Variants in TVP23A observed in about 807,000 individuals in gnomAD.
The protein encoded by TVP23A is Golgi apparatus membrane protein TVP23 homolog A.
TVP23A carries 21 observed loss-of-function variants against 31.7 expected under a neutral mutation model. That is an observed-to-expected ratio of 0.66 (90% confidence interval 0.47 to 0.95). The LOEUF (loss-of-function observed/expected upper bound fraction) is 0.95. Among genes scored for constraint, TVP23A ranks in the 40% least tolerant of loss-of-function variants. TVP23A has a pLI of 0.00. For missense variants in TVP23A, 279 were observed against 255.6 expected (o/e 1.09, Z -0.62); for synonymous variants, 104 against 96.0 (o/e 1.08, Z -0.49).
At chr16:10,782,224 G>A (rs1434210000) in intron 2 of TVP23A, among the ~76,000 whole-genome samples, 5 of 152,004 alleles carry the variant, frequency 3.3e-5, no homozygotes, top group Non-Finnish European at 7.4e-5. Flanking sequence ...AAAATCACAA[G>A]TGAACTCACT....
intron 3 of TVP23A, among the ~76,000 whole-genome samples, chr16:10,774,663 T>G (rs779644533): frequency 6.7e-6 from 1 of 148,596 alleles, no homozygotes; most frequent in East Asian, 2.0e-4. Flanking sequence ...CAGGCTGGAG[T>G]GCAATGGCAC....
At chr16:10,761,265 G>A (rs998879885) in exon 9 of TVP23A, 1 of 1,085,562 alleles carries the variant, frequency 9.2e-7, no homozygotes, top group African/African-American at 1.6e-5. Flanking sequence ...AAGGCTTTAT[G>A]ATCGCAGATC....
downstream of TVP23A, chr16:10,758,030 G>A (rs976628270): frequency 2.5e-6 from 4 of 1,611,240 alleles, no homozygotes; most frequent in Admixed American, 3.3e-5. Flanking sequence ...CTCCCCAGGT[G>A]AGCGAGCTGC....
chr16:10,771,744 G>C lies in TVP23A; in HGVS notation c.508C>G (p.Leu170Val). Residue 170 changes from leucine to valine, a missense_variant, in exon 6 of 8, where the codon CTT becomes GTT. Transcript: ENST00000299866. ...TCACTGTTGCCTCCCATCTTACAAA[G>C]GATGTAGCCATACAGGTTTGCAGCT... ...LQAANLYGYI[L>V]CKMGGNSDIG... 6.2e-7 allele frequency: 1 copy of C among 1,607,970 alleles called. No homozygotes were observed. The highest frequency in any genetic ancestry group is 8.5e-7 in the Non-Finnish European group (1 of 1,177,168).
At chr16:10,764,729 G>A (rs2719649), downstream of TVP23A, among the ~76,000 whole-genome samples, 5 of 146,114 alleles carry the variant, frequency 3.4e-5, no homozygotes, top group African/African-American at 5.0e-5. Flanking sequence ...ATGTCAGTCT[G>A]TTGGAGCATC....
rs146511825 is a variant in TVP23A, at chr16:10,769,193, G to C, written c.*1-92C>G. ...GCCAGACCCGACCAGCTCCGGGATGGGGTGGGTCACAGCAAAAGGACCAGA... is the reference window on the plus strand; with the variant it reads ...GCCAGACCCGACCAGCTCCGGGATGCGGTGGGTCACAGCAAAAGGACCAGA... On this transcript the variant is annotated intron_variant, in intron 7 of 7. Coordinates refer to ENST00000299866, the MANE Select transcript of TVP23A (RefSeq NM_001079512.4). 1.1e-3 allele frequency: 1,356 copies of C among 1,242,130 alleles called. 16 individuals carry two copies. In the African/African-American group the frequency reaches 0.016, roughly 14 times the overall value. 76.9% of individuals were successfully genotyped at this position (1,242,130 alleles called of 1,614,324 possible). A position where few individuals can be genotyped will look rare whatever the true frequency, so the allele number is the denominator to read the frequency against.
At chr16:10,757,914 G>T, downstream of TVP23A, 2 of 1,614,064 alleles carry the variant, frequency 1.2e-6, no homozygotes, top group Non-Finnish European at 1.7e-6. The surrounding 1 kb of genome is among the most constrained non-coding windows in gnomAD (Gnocchi z 4.1). Flanking sequence ...CTGGGGAGAG[G>T]TCGACTACCT....
chr16:10,780,014 G>GGAGGCAAAGTTTGCAGT (rs1460923054), intron 2 of TVP23A, among the ~76,000 whole-genome samples: 2 of 152,124 alleles, frequency 1.3e-5, no homozygotes, highest in Non-Finnish European at 1.5e-5. Flanking sequence ...CTTGAACCCA[G>GGAGGCAAAGTTTGCAGT]GAGGCAAAGT....
intron 2 of TVP23A, among the ~76,000 whole-genome samples, chr16:10,815,062 T>C (rs993475751): frequency 1.3e-5 from 2 of 152,124 alleles, no homozygotes; most frequent in Non-Finnish European, 2.9e-5. Context: ...CTGGCCAGGA[T>C]AGGAGCCCCA....
chr16:10,772,445 C>G (rs1248167108), intron 5 of TVP23A, among the ~76,000 whole-genome samples: 1 of 152,172 alleles, frequency 6.6e-6, no homozygotes, highest in Non-Finnish European at 1.5e-5. Flanking sequence ...TCTTGGCTCA[C>G]TGCAACCTCC....
Position 10,775,837 on chromosome 16 carries a change from C to T in TVP23A, c.90-741G>A, listed in dbSNP as rs192181203. On this transcript the variant is annotated intron_variant, in intron 2 of 7. Coordinates refer to ENST00000299866, the MANE Select transcript of TVP23A (RefSeq NM_001079512.4). ...GATCTCGGTTCACAGCAACCTCCAC[C>T]TCCCGGGTTCAAGCAATTCTCCTGC... is the stretch of plus-strand genomic sequence containing the variant. 2.5e-3 allele frequency among the ~76,000 whole-genome samples: 369 copies of T among 149,188 alleles called. 3 individuals are homozygous for T. In the Middle Eastern group the frequency reaches 0.028, roughly 11 times the overall value.
chr16:10,810,479 G>A (rs1222425910), intron 2 of TVP23A, among the ~76,000 whole-genome samples: 1 of 151,526 alleles, frequency 6.6e-6, no homozygotes, highest in Non-Finnish European at 1.5e-5. Flanking sequence ...CCCGGGAGGT[G>A]GAGGCTGCAG....
rs1290881351 is a variant in TVP23A at position 10,766,818 on chromosome 16, A to G, written c.*2284T>C. On this transcript the variant is annotated 3_prime_UTR_variant, in exon 8 of 8. Coordinates refer to ENST00000299866, the MANE Select transcript of TVP23A (RefSeq NM_001079512.4). This position sits in a 1 kb window ranked among gnomAD's most constrained non-coding sequence, Gnocchi z 4.8. ...CCTCTACTTGAGGTACGCCCTATAT[A>G]AACGAAAAGGATGAAGTAAAGTTAC... 1.0e-5 allele frequency: 4 copies of G among 397,686 alleles called. 1 individual carries two copies. The highest frequency in any genetic ancestry group is 1.3e-5 in the Non-Finnish European group (3 of 225,966). The allele number at this position is 397,686 out of a possible 1,614,324, so 24.6% of individuals were successfully genotyped here.
downstream of TVP23A, among the ~76,000 whole-genome samples, chr16:10,762,678 G>A (rs80312210): frequency 0.046 from 6,947 of 152,160 alleles, 337 homozygotes; most frequent in East Asian, 0.25. Flanking sequence ...CAGGAGTGCC[G>A]GCTGCACCCA....
chr16:10,767,770 G>A lies in TVP23A; in HGVS notation c.*1332C>T. 8.3e-6 allele frequency: 5 copies of A among 604,602 alleles called. No homozygotes were observed. The South Asian group carries it at 1.0e-4, about 12-fold the overall frequency. The allele number at this position is 604,602 out of a possible 1,614,324, so 37.5% of individuals were successfully genotyped here. On this transcript the variant is annotated 3_prime_UTR_variant, in exon 8 of 8. Coordinates refer to ENST00000299866, the MANE Select transcript of TVP23A (RefSeq NM_001079512.4). This position sits in a 1 kb window ranked among gnomAD's most constrained non-coding sequence, Gnocchi z 4.6. ...TAGCCACGCTGAAATGCTGGCTGGG[G>A]ACCCTGCTGGAAGGAAGGTCCCTGA...
chr16:10,782,633 G>C (rs1010546820), intron 2 of TVP23A, among the ~76,000 whole-genome samples: 3 of 152,086 alleles, frequency 2.0e-5, no homozygotes, highest in African/African-American at 7.2e-5. Flanking sequence ...CTTCCAAGTA[G>C]CTGTGAATAC....
At position 10,818,583 on chromosome 16, in the gene TVP23A, G is replaced by A. The variant is rs1204981886; in HGVS notation, c.-90C>T. On this transcript the variant is annotated 5_prime_UTR_variant, in exon 1 of 8. Coordinates refer to ENST00000299866, the MANE Select transcript of TVP23A (RefSeq NM_001079512.4). This position sits in a 1 kb window ranked among gnomAD's most constrained non-coding sequence, Gnocchi z 4.7. Reference sequence around the variant, plus strand: ...GGGGTCGGACGCCGGGCGGGCGGATGTAGGCAGCAGACGGTGGACGCTGAG... The same window carrying A: ...GGGGTCGGACGCCGGGCGGGCGGATATAGGCAGCAGACGGTGGACGCTGAG... 2 of 1,493,232 alleles carry A rather than the reference G, an allele frequency of 1.3e-6. No homozygotes were observed. The allele number at this position is 1,493,232 out of a possible 1,614,324, so 92.5% of individuals were successfully genotyped here.
rs775813779 is a variant in TVP23A at position 10,777,570 on chromosome 16, T to C, written c.90-2474A>G. On this transcript the variant is annotated intron_variant, in intron 2 of 7. Coordinates refer to ENST00000299866, the MANE Select transcript of TVP23A (RefSeq NM_001079512.4). The surrounding 1 kb of genome is among the most constrained non-coding windows in gnomAD (Gnocchi z 4.5). ...TCCGACTCCCAGGGGAATGTTAAGATTCAGAAGCAGACTTCACAGTGACTT... is the reference window on the plus strand; with the variant it reads ...TCCGACTCCCAGGGGAATGTTAAGACTCAGAAGCAGACTTCACAGTGACTT... Among the ~76,000 whole-genome samples the C allele has an allele frequency of 6.6e-6, 1 of 150,476 alleles. No homozygotes were observed. The highest frequency in any genetic ancestry group is 1.5e-5 in the Non-Finnish European group (1 of 67,716).
chr16:10,771,571 G>A, intron 6 of TVP23A, 99 bp downstream of exon 6: 1 of 1,430,956 alleles, frequency 7.0e-7, no homozygotes, highest in Non-Finnish European at 9.7e-7. Context: ...TTGGCAGCCT[G>A]GCGGATATGT....
Sources: allele counts gnomAD v4.1 joint callset (sites outside exome capture counted in the v4.1 genomes callset), GRCh38; gene constraint gnomAD v4.1.1; non-coding constraint Gnocchi (gnomAD v3.1); transcripts MANE v1.5; gene names NCBI Gene and HGNC (gene_info 2026-07-23, HGNC 2026-07-21).